The following CACNA1D variants were observed in gnomAD, a reference collection of about 807,000 sequenced individuals.
CACNA1D encodes calcium voltage-gated channel subunit alpha1 D.
Under a neutral mutation model 257.1 loss-of-function variants are expected in CACNA1D, and 55 were observed. The ratio of observed to expected loss-of-function variants is 0.21; its 90% confidence interval spans 0.17 to 0.27. The LOEUF (loss-of-function observed/expected upper bound fraction) is 0.27, where lower values mean the gene tolerates loss of function less well. Among genes scored for constraint, CACNA1D ranks in the 10% least tolerant of loss-of-function variants. The pLI, the probability that CACNA1D is intolerant of heterozygous loss-of-function variation, is 1.00. For missense variants in CACNA1D, 1,876 were observed against 2,784.0 expected, an observed-to-expected ratio of 0.67 and a Z score of 7.34; for synonymous variants, 980 against 1,014.9, an observed-to-expected ratio of 0.97 and a Z score of 0.65.
intron 3 of CACNA1D, among the ~76,000 whole-genome samples, chr3:53,583,805 A>T (rs2093170066): frequency 7.1e-6 from 1 of 141,632 alleles, no homozygotes; most frequent in Non-Finnish European, 1.6e-5. Flanking sequence ...TGACAGAGCC[A>T]TTTGTTTTCC....
intron 3 of CACNA1D, among the ~76,000 whole-genome samples, chr3:53,646,098 G>A (rs1576216165): frequency 6.6e-6 from 1 of 152,188 alleles, no homozygotes; most frequent in South Asian, 2.1e-4. Context: ...AAGCAGGGAC[G>A]GCAAAGACAT....
chr3:53,543,824 T>G (rs1177924959), intron 3 of CACNA1D, among the ~76,000 whole-genome samples: 1 of 152,142 alleles, frequency 6.6e-6, no homozygotes, highest in African/African-American at 2.4e-5. Context: ...GCCTAACAGA[T>G]CTGAACTTTT....
At chr3:53,504,878 G>A (rs1191801797) in intron 3 of CACNA1D, among the ~76,000 whole-genome samples, 4 of 151,918 alleles carry the variant, frequency 2.6e-5, no homozygotes, top group African/African-American at 7.3e-5. Context: ...TCTTCCTCCC[G>A]GTGCTACCTC....
intron 3 of CACNA1D, among the ~76,000 whole-genome samples, chr3:53,590,730 G>A (rs1056720841): frequency 1.3e-5 from 2 of 152,160 alleles, no homozygotes; most frequent in South Asian, 2.1e-4. Context: ...GGGCGGCCGG[G>A]CACCCTCTCG....
At chr3:53,787,061 G>T (rs1391950821) in intron 40 of CACNA1D, 109 bp downstream of exon 40, 1 of 1,196,930 alleles carries the variant, frequency 8.4e-7, no homozygotes, top group Admixed American at 1.9e-5. Flanking sequence ...CAAGGATTTT[G>T]TTTAAACTGA....
At chr3:53,609,204 A>G (rs1027423184) in intron 3 of CACNA1D, among the ~76,000 whole-genome samples, 1 of 152,084 alleles carries the variant, frequency 6.6e-6, no homozygotes, top group Admixed American at 6.6e-5. Context: ...AGGTCAGGAG[A>G]TAAAGACCAT....
intron 3 of CACNA1D, among the ~76,000 whole-genome samples, chr3:53,510,711 A>G (rs552680115): frequency 1.1e-4 from 17 of 152,312 alleles, no homozygotes; most frequent in African/African-American, 3.8e-4. Context: ...TTCACTCTGC[A>G]GAGTGACCTC....
intron 14 of CACNA1D, among the ~76,000 whole-genome samples, chr3:53,726,005 C>T (rs1328677777): frequency 2.0e-5 from 3 of 152,088 alleles, no homozygotes; most frequent in Non-Finnish European, 4.4e-5. Flanking sequence ...TTACATGAGA[C>T]ATTTAGAATT....
intron 3 of CACNA1D, among the ~76,000 whole-genome samples, chr3:53,533,030 C>T (rs779986638): frequency 6.6e-6 from 1 of 152,150 alleles, no homozygotes; most frequent in Non-Finnish European, 1.5e-5. Context: ...TTTTGCACTT[C>T]GACCTAGGCT....
chr3:53,632,563 G>T (rs139066399), intron 3 of CACNA1D, among the ~76,000 whole-genome samples: 2 of 152,346 alleles, frequency 1.3e-5, no homozygotes, highest in Admixed American at 6.5e-5. Flanking sequence ...GGTACGAAAG[G>T]CCTGGCTTTC....
chr3:53,768,800 G>A (rs2095349509), intron 30 of CACNA1D, among the ~76,000 whole-genome samples: 1 of 152,144 alleles, frequency 6.6e-6, no homozygotes, highest in African/African-American at 2.4e-5. Flanking sequence ...ATGCTAGAGA[G>A]GCTTCAGAAC....
intron 44 of CACNA1D, among the ~76,000 whole-genome samples, chr3:53,804,439 C>T (rs904386766): frequency 1.3e-5 from 2 of 152,216 alleles, no homozygotes; most frequent in African/African-American, 2.4e-5. Context: ...CTGTCGAGGG[C>T]CTGCTCTAGG....
chr3:53,647,999 CA>C lies in CACNA1D; in HGVS notation c.484-2779del, dbSNP rs529345420. Among the ~76,000 whole-genome samples the C allele has an allele frequency of 4.5e-4, 69 of 152,304 alleles. 1 individual carries two copies. In the East Asian group the frequency reaches 9.8e-3, roughly 22 times the overall value. ...AAGGAGAAGGAAAAAGAACGTTAAA[CA>C]GTTCATTTATACTAATGGCCCTTGT... On this transcript the variant is annotated intron_variant, in intron 3 of 47. Coordinates refer to ENST00000350061, the MANE Select transcript of CACNA1D (RefSeq NM_001128840.3).
In CACNA1D at chr3:53,494,631, C is replaced by G. The variant is rs1291191632; in HGVS notation, c.-536C>G. ...AGGGCGAAGCCGGCGTGCGGCGCGG[C>G]GCGGCGGGCGCGGAGCGAGCGGGCG... is the stretch of plus-strand genomic sequence containing the variant. On this transcript the variant is annotated 5_prime_UTR_variant, in exon 1 of 48. Coordinates refer to ENST00000350061, the MANE Select transcript of CACNA1D (RefSeq NM_001128840.3). 1 of 145,832 alleles carries G rather than the reference C, an allele frequency of 6.9e-6. No individual in the cohort carries two copies. Among genetic ancestry groups the G allele is most frequent in the South Asian group, 1.9e-4 (1 of 5,264 alleles). The allele number at this position is 145,832 out of a possible 1,614,324, so 9.0% of individuals were successfully genotyped here.
At chr3:53,646,326 T>G (rs1021554441) in intron 3 of CACNA1D, among the ~76,000 whole-genome samples, 8 of 152,220 alleles carry the variant, frequency 5.3e-5, no homozygotes, top group African/African-American at 1.9e-4. Context: ...GACTCTTTAT[T>G]TCAGGCTTGT....
intron 2 of CACNA1D, among the ~76,000 whole-genome samples, chr3:53,499,624 C>G (rs1575677816): frequency 6.6e-6 from 1 of 151,670 alleles, no homozygotes; most frequent in Non-Finnish European, 1.5e-5. Context: ...CAAAACTGGA[C>G]CAACATAAAG....
At position 53,751,206 on chromosome 3, in the gene CACNA1D, A is replaced by G. The variant is rs894882374; in HGVS notation, c.3517-543A>G. On this transcript the variant is annotated intron_variant, in intron 27 of 47. Transcript: ENST00000350061. The surrounding 1 kb of genome is among the most constrained non-coding windows in gnomAD (Gnocchi z 4.3). Reference sequence around the variant, plus strand: ...TAACACACTCTGGCTCCTGAAGGGTATCTCATGTGGTTCCAACTGGGAGCA... The same window carrying G: ...TAACACACTCTGGCTCCTGAAGGGTGTCTCATGTGGTTCCAACTGGGAGCA... Among the ~76,000 whole-genome samples the G allele has an allele frequency of 2.6e-5, 4 of 152,214 alleles. No homozygotes were observed. Among genetic ancestry groups the G allele is most frequent in the African/African-American group, 2.4e-5 (1 of 41,460 alleles).
chr3:53,745,189 G>A (rs1030663203), intron 23 of CACNA1D, among the ~76,000 whole-genome samples: 4 of 151,192 alleles, frequency 2.6e-5, no homozygotes, highest in South Asian at 4.2e-4. Flanking sequence ...TTTATGGGGT[G>A]GGGACCCTTT....
At chr3:53,527,889 A>C (rs1280315553) in intron 3 of CACNA1D, among the ~76,000 whole-genome samples, 4 of 152,218 alleles carry the variant, frequency 2.6e-5, no homozygotes, top group Non-Finnish European at 5.9e-5. Flanking sequence ...AGCATTGTAC[A>C]TGATCTGTCC....
Sources: allele counts gnomAD v4.1 joint callset (sites outside exome capture counted in the v4.1 genomes callset), GRCh38; gene constraint gnomAD v4.1.1; non-coding constraint Gnocchi (gnomAD v3.1); transcripts MANE v1.5; gene names NCBI Gene and HGNC (gene_info 2026-07-23, HGNC 2026-07-21).